The following ATL1 variants were observed in gnomAD, a reference collection of about 807,000 sequenced individuals.
The protein encoded by ATL1 is atlastin-1.
In ATL1, 31 loss-of-function variants were observed where a neutral mutation model predicts 75.5. The observed-to-expected ratio is 0.41, with a 90% CI of 0.31 to 0.55. ATL1 has a LOEUF of 0.55. Among genes scored for constraint, ATL1 ranks in the 20% least tolerant of loss-of-function variants. ATL1 has a pLI of 0.27. For missense variants in ATL1, 405 were observed against 662.6 expected (o/e 0.61, Z 4.27); for synonymous variants, 226 against 233.3 (o/e 0.97, Z 0.28).
At chr14:50,549,134 G>A (rs951147499) in intron 1 of ATL1, among the ~76,000 whole-genome samples, 9 of 151,992 alleles carry the variant, frequency 5.9e-5, no homozygotes, top group South Asian at 2.1e-4. Flanking sequence ...AGATGGCAAC[G>A]GAACCACCTA....
chr14:50,583,118 C>T (rs973696754), intron 1 of ATL1, among the ~76,000 whole-genome samples: 1 of 152,062 alleles, frequency 6.6e-6, no homozygotes, highest in Admixed American at 6.6e-5. Flanking sequence ...AAAGTAACCC[C>T]AATAGGCAAA....
In ATL1 at chr14:50,608,762, A is replaced by G. The variant is rs1379637298; in HGVS notation, c.631-4497A>G. Among the ~76,000 whole-genome samples the G allele has an allele frequency of 2.6e-5, 4 of 151,954 alleles. No homozygotes were observed. The South Asian group carries it at 6.2e-4, about 24-fold the overall frequency. On this transcript the variant is annotated intron_variant, in intron 6 of 13. Transcript: ENST00000358385. ...TGGTTTCATTTATCCTGGTTCATGA[A>G]CCTCTATTTTGAAAAAATTACTTCC... is the stretch of plus-strand genomic sequence containing the variant.
chr14:50,571,560 G>A (rs2038955547), intron 1 of ATL1, among the ~76,000 whole-genome samples: 1 of 152,012 alleles, frequency 6.6e-6, no homozygotes, highest in Admixed American at 6.6e-5. Context: ...TTTAACAAAT[G>A]CCTTTCCTGC....
At chr14:50,596,883 A>T (rs2039222625) in intron 6 of ATL1, among the ~76,000 whole-genome samples, 1 of 152,140 alleles carries the variant, frequency 6.6e-6, no homozygotes, top group South Asian at 2.1e-4. Flanking sequence ...AGAGAAGAAG[A>T]AAGGCAGAAA....
chr14:50,546,852 T>C (rs936838390), intron 1 of ATL1, among the ~76,000 whole-genome samples: 1 of 152,188 alleles, frequency 6.6e-6, no homozygotes, highest in Non-Finnish European at 1.5e-5. Flanking sequence ...TTTTTAATTA[T>C]TATACTTTAA....
intron 6 of ATL1, among the ~76,000 whole-genome samples, chr14:50,611,603 C>G (rs990143550): frequency 4.3e-4 from 66 of 152,068 alleles, no homozygotes; most frequent in African/African-American, 1.5e-3. Context: ...TAAGTAAAGA[C>G]AAAAGACCTG....
intron 2 of ATL1, 71 bp from the exon 3 acceptor site, chr14:50,590,870 T>A: frequency 6.7e-7 from 1 of 1,499,634 alleles, no homozygotes; most frequent in Non-Finnish European, 9.3e-7. Flanking sequence ...GGGATAAGAA[T>A]CAGAATGAAT....
At chr14:50,555,782 A>C (rs980612964), upstream of ATL1, among the ~76,000 whole-genome samples, 32 of 152,224 alleles carry the variant, frequency 2.1e-4, no homozygotes, top group African/African-American at 7.5e-4. Context: ...ATCTTTAAAC[A>C]AATTGTTGCA....
chr14:50,567,069 A>G (rs923108199), intron 1 of ATL1, among the ~76,000 whole-genome samples: 2 of 152,184 alleles, frequency 1.3e-5, no homozygotes, highest in Non-Finnish European at 1.5e-5. Flanking sequence ...ACCACTGTCT[A>G]TCTCCCGAAC....
At chr14:50,609,903 G>A (rs950304891) in intron 6 of ATL1, among the ~76,000 whole-genome samples, 3 of 151,806 alleles carry the variant, frequency 2.0e-5, no homozygotes, top group Non-Finnish European at 2.9e-5. Context: ...TTTTTTGTTC[G>A]TGATACTAGC....
intron 1 of ATL1, among the ~76,000 whole-genome samples, chr14:50,572,934 A>G (rs2038967326): frequency 6.6e-6 from 1 of 152,172 alleles, no homozygotes; most frequent in Admixed American, 6.5e-5. Context: ...CAGAAAACTT[A>G]CAATCATGGC....
At chr14:50,556,509 C>A (rs1315948233), upstream of ATL1, among the ~76,000 whole-genome samples, 1 of 152,172 alleles carries the variant, frequency 6.6e-6, no homozygotes, top group African/African-American at 2.4e-5. Context: ...TGAGCCACTG[C>A]ACCCAGCCTA....
chr14:50,566,854 TTATATTTAAAAAAA>T lies in ATL1; in HGVS notation c.34+6557_34+6570del, dbSNP rs577746053. ...TATTTTCCTTTATGGCTTGTACTTT[TTATATTTAAAAAAA>T]TCTTCTCTTACCTCAAAGTTATAAA... On this transcript the variant is annotated intron_variant, in intron 1 of 13. Coordinates refer to ENST00000358385, the MANE Select transcript of ATL1 (RefSeq NM_015915.5). Among the ~76,000 whole-genome samples the T allele has an allele frequency of 4.6e-3, 695 of 152,322 alleles. 8 individuals are homozygous for T. Among genetic ancestry groups the T allele is most frequent in the African/African-American group, 0.016 (664 of 41,584 alleles).
chr14:50,608,202 C>T (rs892583515), intron 6 of ATL1, among the ~76,000 whole-genome samples: 12 of 151,900 alleles, frequency 7.9e-5, no homozygotes, highest in East Asian at 3.8e-4. Context: ...TATATTCATA[C>T]GTGAGCAAAT....
intron 12 of ATL1, among the ~76,000 whole-genome samples, chr14:50,629,420 A>G (rs2039556146): frequency 6.6e-6 from 1 of 152,062 alleles, no homozygotes; most frequent in Admixed American, 6.5e-5. Context: ...CGTCTCTACT[A>G]AAAATACAAA....
chr14:50,608,671 A>G (rs547301428), intron 6 of ATL1, among the ~76,000 whole-genome samples: 2 of 149,766 alleles, frequency 1.3e-5, no homozygotes, highest in Admixed American at 1.3e-4. Flanking sequence ...ATGGCCAGTG[A>G]AAAAGACCAA....
At position 50,592,549 on chromosome 14, in the gene ATL1, A is replaced by T. The variant is rs560991632; in HGVS notation, c.522+910A>T. 3.9e-5 allele frequency among the ~76,000 whole-genome samples: 6 copies of T among 152,056 alleles called. No homozygotes were observed. The East Asian group carries it at 1.2e-3, about 29-fold the overall frequency. On this transcript the variant is annotated intron_variant, in intron 4 of 13. Coordinates refer to ENST00000358385, the MANE Select transcript of ATL1 (RefSeq NM_015915.5). The stretch of plus-strand genomic sequence containing the variant: ...ACTTTAAAGTAAAAGTCATAAAAAA[A>T]AAAGTCATGGTTATAACCTACTTAA...
chr14:50,575,840 T>A (rs1017336071), intron 1 of ATL1, among the ~76,000 whole-genome samples: 11 of 152,172 alleles, frequency 7.2e-5, no homozygotes, highest in African/African-American at 2.2e-4. Flanking sequence ...ATTCTCCACA[T>A]TTGACATTTT....
intron 13 of ATL1, among the ~76,000 whole-genome samples, chr14:50,631,536 T>C (rs1251547534): frequency 6.6e-6 from 1 of 152,114 alleles, no homozygotes; most frequent in Non-Finnish European, 1.5e-5. Flanking sequence ...AACAAAGATA[T>C]CTATGAACAC....
Sources: allele counts gnomAD v4.1 joint callset (sites outside exome capture counted in the v4.1 genomes callset), GRCh38; gene constraint gnomAD v4.1.1; transcripts MANE v1.5; gene names NCBI Gene and HGNC (gene_info 2026-07-23, HGNC 2026-07-21).